The following PROS1 variants were observed in gnomAD, a reference collection of about 807,000 sequenced individuals.
PROS1 encodes the protein vitamin K-dependent protein S.
PROS1 carries 29 observed loss-of-function variants against 75.9 expected under a neutral mutation model. The observed-to-expected ratio is 0.38, with a 90% CI of 0.28 to 0.52. The LOEUF is 0.52. Among genes scored for constraint, PROS1 ranks in the 20% least tolerant of loss-of-function variants. PROS1 has a pLI of 0.83. For synonymous variants in PROS1, 245 were observed against 280.6 expected (o/e 0.87, Z 1.27); for missense variants, 680 against 810.3 (o/e 0.84, Z 1.95).
At chr3:93,960,066 A>G (rs1466734561) in intron 1 of PROS1, among the ~76,000 whole-genome samples, 1 of 152,248 alleles carries the variant, frequency 6.6e-6, no homozygotes, top group Non-Finnish European at 1.5e-5. Flanking sequence ...AAAATACATT[A>G]ATTTCAACCT....
At chr3:93,930,738 A>G (rs1709094113) in intron 1 of PROS1, among the ~76,000 whole-genome samples, 1 of 152,196 alleles carries the variant, frequency 6.6e-6, no homozygotes, top group Non-Finnish European at 1.5e-5. Flanking sequence ...AGTAAACATA[A>G]CCACCTTTAT....
chr3:93,905,262 G>A (rs1251383219), intron 6 of PROS1, among the ~76,000 whole-genome samples: 1 of 152,166 alleles, frequency 6.6e-6, no homozygotes, highest in Non-Finnish European at 1.5e-5. Context: ...ACACACAAGT[G>A]TGTACACGCA....
At chr3:93,952,526 C>T (rs1709519573) in intron 1 of PROS1, among the ~76,000 whole-genome samples, 1 of 152,224 alleles carries the variant, frequency 6.6e-6, no homozygotes, top group South Asian at 2.1e-4. Context: ...TTCTTTGAAA[C>T]CAATGAGAAC....
intron 4 of PROS1, among the ~76,000 whole-genome samples, chr3:93,907,396 C>G (rs1708691945): frequency 2.0e-5 from 3 of 152,160 alleles, no homozygotes; most frequent in Non-Finnish European, 2.9e-5. Flanking sequence ...GCTGATGGGA[C>G]AACCAGCTGC....
chr3:93,913,945 G>A (rs1487892603), intron 3 of PROS1, among the ~76,000 whole-genome samples: 1 of 152,206 alleles, frequency 6.6e-6, no homozygotes, highest in Non-Finnish European at 1.5e-5. Flanking sequence ...TCCTAAGGAA[G>A]TCCAAAACCC....
rs761925121 is a variant in PROS1, at chr3:93,886,473, T to C, written c.1186A>G (p.Ser396Gly). 2.5e-6 allele frequency: 4 copies of C among 1,611,082 alleles called. No homozygotes were observed. Among genetic ancestry groups the C allele is most frequent in the South Asian group, 2.2e-5 (2 of 91,024 alleles). Residue 396 changes from serine (S) to glycine (G), a missense_variant, in exon 11 of 15, where the codon AGC becomes GGC. Transcript: ENST00000394236. ...VSVEELEHSI[S>G]IKIAKEAVMD... The stretch of plus-strand genomic sequence containing the variant: ...ACAGCTTCTTTAGCTATTTTAATGC[T>C]AATACTATGTTCTAATTCTTCCACA...
chr3:93,961,971 T>C (rs1235330179), intron 1 of PROS1, among the ~76,000 whole-genome samples: 2 of 151,912 alleles, frequency 1.3e-5, no homozygotes, highest in Non-Finnish European at 2.9e-5. Flanking sequence ...TCATCCCCAC[T>C]CTCCCCCAAT....
chr3:93,968,824 T>A (rs1391178049), intron 1 of PROS1, among the ~76,000 whole-genome samples: 1 of 152,070 alleles, frequency 6.6e-6, no homozygotes, highest in Non-Finnish European at 1.5e-5. Flanking sequence ...CAGGGTTAGG[T>A]GTGAAGCCCC....
rs1419826966 is a variant in PROS1 at position 93,873,891 on chromosome 3, T to C, written c.*354A>G. The C allele has an allele frequency of 5.9e-5, 15 of 252,374 alleles. No homozygotes were observed. The highest frequency in any genetic ancestry group is 1.1e-4 in the Non-Finnish European group (14 of 128,776). 15.6% of individuals were successfully genotyped at this position (252,374 alleles called of 1,614,324 possible). On this transcript the variant is annotated 3_prime_UTR_variant, in exon 15 of 15. Coordinates refer to ENST00000394236, the MANE Select transcript of PROS1 (RefSeq NM_000313.4). ...TTAATTACACGCACTTTTGTTTGAG[T>C]TTACTTCCTTGCTTTCTGAAAAAAA... is the stretch of plus-strand genomic sequence containing the variant.
At chr3:93,972,622 G>A (rs1418892365) in intron 1 of PROS1, among the ~76,000 whole-genome samples, 4 of 151,706 alleles carry the variant, frequency 2.6e-5, no homozygotes, top group East Asian at 1.9e-4. Flanking sequence ...ATGGATCACC[G>A]GAGGTCAGGA....
At chr3:93,898,012 G>A (rs1400902721) in intron 8 of PROS1, among the ~76,000 whole-genome samples, 2 of 151,994 alleles carry the variant, frequency 1.3e-5, no homozygotes, top group Non-Finnish European at 2.9e-5. Context: ...AATTTTATGA[G>A]CACTTTATAA....
At chr3:93,928,667 C>A in intron 1 of PROS1, 2 of 859,956 alleles carry the variant, frequency 2.3e-6, no homozygotes, top group Admixed American at 2.8e-5. Context: ...TAACAAAGTT[C>A]AATATCAAGC....
chr3:93,944,275 G>A (rs77673830), intron 1 of PROS1, among the ~76,000 whole-genome samples: 1,843 of 151,306 alleles, frequency 0.012, 139 homozygotes, highest in Admixed American at 0.1. Context: ...AAAACACAAC[G>A]AAAAAATCAT....
intron 4 of PROS1, among the ~76,000 whole-genome samples, chr3:93,907,592 G>C (rs893541224): frequency 8.5e-5 from 13 of 152,112 alleles, no homozygotes; most frequent in African/African-American, 3.1e-4. Flanking sequence ...CTGTTCTAAT[G>C]CTCAGTAAAG....
At chr3:93,934,156 G>C (rs540025983) in intron 1 of PROS1, among the ~76,000 whole-genome samples, 1 of 151,610 alleles carries the variant, frequency 6.6e-6, no homozygotes, top group Non-Finnish European at 1.5e-5. Flanking sequence ...CTCCAGCCTG[G>C]GTGACAGAGC....
At chr3:93,904,821 G>A (rs1708649746) in intron 6 of PROS1, among the ~76,000 whole-genome samples, 1 of 151,986 alleles carries the variant, frequency 6.6e-6, no homozygotes, top group Non-Finnish European at 1.5e-5. Flanking sequence ...GAGAAAAAAA[G>A]TCAAAATTTA....
intron 1 of PROS1, among the ~76,000 whole-genome samples, chr3:93,930,630 AAC>A (rs1182762296): frequency 6.6e-6 from 1 of 152,228 alleles, no homozygotes; most frequent in African/African-American, 2.4e-5. Flanking sequence ...CAGGTGTAAT[AAC>A]ACATACTGTA....
At chr3:93,877,228 G>C in intron 13 of PROS1, 37 bp from the exon 14 acceptor site, 1 of 1,477,680 alleles carries the variant, frequency 6.8e-7, no homozygotes, top group South Asian at 1.1e-5. Context: ...TAAGCAAGGA[G>C]TAAGAGTAAT....
intron 10 of PROS1, among the ~76,000 whole-genome samples, chr3:93,887,165 G>T (rs892732458): frequency 6.6e-6 from 1 of 151,988 alleles, no homozygotes; most frequent in African/African-American, 2.4e-5. Context: ...TGATCCACCC[G>T]CCTTGGCCTC....
Sources: gnomAD v4.1 joint callset for allele counts (sites outside exome capture counted in the v4.1 genomes callset) on GRCh38, gnomAD v4.1.1 for gene constraint, MANE v1.5 for transcripts, NCBI Gene and HGNC (gene_info 2026-07-23, HGNC 2026-07-21) for gene names.